The following STRIP2 variants were observed in gnomAD, a reference collection of about 807,000 sequenced individuals.
STRIP2 encodes the protein striatin-interacting protein 2.
STRIP2 carries 84 observed loss-of-function variants against 107.1 expected under a neutral mutation model. The ratio of observed to expected loss-of-function variants is 0.78; its 90% CI spans 0.66 to 0.94. The LOEUF is 0.94. Among genes scored for constraint, STRIP2 ranks in the 40% least tolerant of loss-of-function variants. The probability of loss-of-function intolerance (pLI) is 0.00; values close to 1 mark genes in which losing one functional copy is unlikely to be tolerated. For missense variants in STRIP2, 888 were observed against 1,034.2 expected (o/e 0.86, Z 1.94); for synonymous variants, 394 against 400.4 (o/e 0.98, Z 0.19).
chr7:129,476,465 C>A lies in STRIP2; in HGVS notation c.1945-4320C>A, dbSNP rs536275588. Reference sequence around the variant, plus strand: ...GGGGCTCCTCACTTCTCAGATGGGGCGGCTGCCGGGCGGAGGGGCTCCTCA... The same window carrying A: ...GGGGCTCCTCACTTCTCAGATGGGGAGGCTGCCGGGCGGAGGGGCTCCTCA... On this transcript the variant is annotated intron_variant, in intron 18 of 20. Coordinates refer to ENST00000249344, the MANE Select transcript of STRIP2 (RefSeq NM_020704.3). Among the ~76,000 whole-genome samples the A allele has an allele frequency of 1.7e-3, 256 of 148,838 alleles. 1 individual carries two copies. The highest frequency in any genetic ancestry group is 6.2e-3 in the African/African-American group (248 of 40,292).
At chr7:129,446,883 G>C (rs1476977456) in intron 3 of STRIP2, among the ~76,000 whole-genome samples, 1 of 152,212 alleles carries the variant, frequency 6.6e-6, no homozygotes, top group African/African-American at 2.4e-5. Flanking sequence ...CTCAGTTCAT[G>C]ATAGGCAGTT....
chr7:129,481,038 C>T (rs779387351), intron 19 of STRIP2, 149 bp downstream of exon 19: 1 of 604,792 alleles, frequency 1.7e-6, no homozygotes, highest in Non-Finnish European at 2.9e-6. Flanking sequence ...ATTCTGGGCA[C>T]TTATTCTATA....
intron 3 of STRIP2, among the ~76,000 whole-genome samples, chr7:129,449,927 C>T (rs1219944928): frequency 6.6e-6 from 1 of 152,190 alleles, no homozygotes; most frequent in Non-Finnish European, 1.5e-5. Flanking sequence ...CACTGAACTT[C>T]GGAGCAACCA....
At chr7:129,475,553 C>A (rs369242434) in intron 18 of STRIP2, among the ~76,000 whole-genome samples, 3 of 35,986 alleles carry the variant, frequency 8.3e-5, no homozygotes, top group South Asian at 8.4e-4. Context: ...CTTTTTTTTT[C>A]TTTTTTTTTT....
chr7:129,459,455 T>C, intron 11 of STRIP2, 62 bp from the exon 12 acceptor site: 1 of 1,407,992 alleles, frequency 7.1e-7, no homozygotes. Flanking sequence ...AGGGGGGTAT[T>C]GGGGTATCAG....
chr7:129,479,693 T>G (rs752806041), intron 18 of STRIP2, among the ~76,000 whole-genome samples: 1 of 152,082 alleles, frequency 6.6e-6, no homozygotes, highest in Non-Finnish European at 1.5e-5. Flanking sequence ...AGTTTCACCA[T>G]GTTGGCCAAG....
chr7:129,445,134 A>G (rs1157578599), intron 3 of STRIP2, among the ~76,000 whole-genome samples: 2 of 151,944 alleles, frequency 1.3e-5, no homozygotes, highest in Admixed American at 1.3e-4. Context: ...TCCTGCCTGG[A>G]TTGGGGTGTT....
intron 3 of STRIP2, among the ~76,000 whole-genome samples, chr7:129,448,736 C>G (rs921297694): frequency 3.9e-5 from 6 of 152,232 alleles, no homozygotes; most frequent in African/African-American, 1.2e-4. Flanking sequence ...CTTTGATGGT[C>G]GAGTGCTTCC....
At position 129,458,427 on chromosome 7, in the gene STRIP2, C is replaced by T. The variant is rs1798429165; in HGVS notation, c.1251C>T (p.Gly417=). 2 of 1,604,118 alleles carry T rather than the reference C, an allele frequency of 1.2e-6. No homozygotes were observed. The highest frequency in any genetic ancestry group is 1.7e-6 in the Non-Finnish European group (2 of 1,175,554). Reference sequence around the variant, plus strand: ...CTGAGCGGGTGGCTTTTCCCAAGGGCCTGCCCTGGGCCCCAAAGGTCAGGT... The same window carrying T: ...CTGAGCGGGTGGCTTTTCCCAAGGGTCTGCCCTGGGCCCCAAAGGTCAGGT... ...LSAERVAFPK[G]LPWAPKVRQK... The change falls in exon 10 of 21, where the codon GGC becomes GGT. Residue 417 remains glycine, a synonymous_variant. Transcript: ENST00000249344. The surrounding 1 kb of genome is among the most constrained non-coding windows in gnomAD (Gnocchi z 4.6).
chr7:129,473,781 C>T (rs1054766824), intron 18 of STRIP2, among the ~76,000 whole-genome samples: 1 of 151,736 alleles, frequency 6.6e-6, no homozygotes, highest in Non-Finnish European at 1.5e-5. Context: ...GCAGTGGCGC[C>T]ATCTTGGCTC....
chr7:129,467,241 A>G, intron 16 of STRIP2, 109 bp from the exon 17 acceptor site: 2 of 776,254 alleles, frequency 2.6e-6, no homozygotes, highest in South Asian at 1.7e-5. Context: ...AGTGGATAGT[A>G]GATATTCTCA....
rs1249946607 is a variant in STRIP2, at chr7:129,464,687, T to C, written c.1725T>C (p.Ser575=). Reference sequence around the variant, plus strand: ...AGGAGATTATTGTAAAGAGTATCTCTACCCTGCTTCTGCTACTCCTCAAAC... The same window carrying C: ...AGGAGATTATTGTAAAGAGTATCTCCACCCTGCTTCTGCTACTCCTCAAAC... The part of the protein sequence containing the change: ...RHKEIIVKSI[S]TLLLLLLKHF... Residue 575 remains serine (S), a synonymous_variant, in exon 16 of 21, where the codon TCT becomes TCC. Coordinates refer to ENST00000249344, the MANE Select transcript of STRIP2 (RefSeq NM_020704.3). 1.9e-6 allele frequency: 3 copies of C among 1,613,986 alleles called. No homozygotes were observed. Among genetic ancestry groups the C allele is most frequent in the Non-Finnish European group, 2.5e-6 (3 of 1,179,986 alleles).
At chr7:129,475,541 C>CT (rs1349934101) in intron 18 of STRIP2, among the ~76,000 whole-genome samples, 4 of 73,766 alleles carry the variant, frequency 5.4e-5, no homozygotes, top group African/African-American at 1.9e-4. Flanking sequence ...GTGGTGATGA[C>CT]TCTTTTTTTT....
chr7:129,455,502 G>A (rs1798322106), intron 8 of STRIP2, 131 bp downstream of exon 8: 2 of 1,119,556 alleles, frequency 1.8e-6, no homozygotes, highest in Non-Finnish European at 2.5e-6. Context: ...CTGCTAATAT[G>A]GAGGGGCAAC....
At chr7:129,449,035 G>A (rs1182515001) in intron 3 of STRIP2, among the ~76,000 whole-genome samples, 1 of 152,194 alleles carries the variant, frequency 6.6e-6, no homozygotes, top group Non-Finnish European at 1.5e-5. Flanking sequence ...CCAAGGGAGA[G>A]CAGGCATTTC....
At chr7:129,445,462 G>A (rs972129597) in intron 3 of STRIP2, among the ~76,000 whole-genome samples, 21 of 151,960 alleles carry the variant, frequency 1.4e-4, no homozygotes, top group African/African-American at 4.8e-4. Flanking sequence ...AATGTCACGG[G>A]AACAGGAAGC....
intron 1 of STRIP2, among the ~76,000 whole-genome samples, chr7:129,437,393 A>G (rs1324089072): frequency 6.6e-6 from 1 of 152,084 alleles, no homozygotes; most frequent in Non-Finnish European, 1.5e-5. Flanking sequence ...AGCTGTGATC[A>G]TGCCACTGCA....
chr7:129,455,506 G>A, intron 8 of STRIP2, 135 bp downstream of exon 8: 1 of 1,053,294 alleles, frequency 9.5e-7, no homozygotes, highest in Non-Finnish European at 1.3e-6. Context: ...TAATATGGAG[G>A]GGCAACAAGG....
At chr7:129,447,551 T>C (rs1411256780) in intron 3 of STRIP2, among the ~76,000 whole-genome samples, 1 of 152,204 alleles carries the variant, frequency 6.6e-6, no homozygotes, top group African/African-American at 2.4e-5. Flanking sequence ...ATGTGATATC[T>C]TGTGGAAGCA....
Sources: gnomAD v4.1 joint callset for allele counts (sites outside exome capture counted in the v4.1 genomes callset) on GRCh38, gnomAD v4.1.1 for gene constraint, Gnocchi (gnomAD v3.1) non-coding constraint, MANE v1.5 for transcripts, NCBI Gene and HGNC (gene_info 2026-07-23, HGNC 2026-07-21) for gene names.